The following SBDS variants were observed in gnomAD, a reference collection of about 807,000 sequenced individuals.
SBDS encodes the protein SBDS ribosome maturation factor, also known as ribosome maturation protein SBDS.
A neutral mutation model predicts 26.4 loss-of-function variants in SBDS; 20 were observed. The ratio of observed to expected loss-of-function variants is 0.76; its 90% CI spans 0.53 to 1.10. The LOEUF (loss-of-function observed/expected upper bound fraction) is 1.10, where lower values mean the gene tolerates loss of function less well. Ranked by LOEUF, SBDS falls within the 50% of genes least tolerant of loss-of-function variation. SBDS has a pLI of 0.00. For synonymous variants in SBDS, 95 were observed against 105.1 expected, an observed-to-expected ratio of 0.90 and a Z score of 0.59; for missense variants, 241 against 302.0, an observed-to-expected ratio of 0.80 and a Z score of 1.50.
chr7:66,995,240 G>T, intron 1 of SBDS, 50 bp downstream of exon 1: 6 of 1,612,088 alleles, frequency 3.7e-6, no homozygotes, highest in Non-Finnish European at 5.1e-6. Flanking sequence ...GGCCGCCTCG[G>T]AGGTGACGGC....
chr7:66,989,028 C>T (rs2129231304), intron 4 of SBDS, among the ~76,000 whole-genome samples: 1 of 152,088 alleles, frequency 6.6e-6, no homozygotes, highest in Non-Finnish European at 1.5e-5. Flanking sequence ...CACCACCACA[C>T]CTGGCTTATT....
intron 4 of SBDS, among the ~76,000 whole-genome samples, chr7:66,990,211 T>G (rs1461150589): frequency 6.6e-6 from 1 of 152,048 alleles, no homozygotes; most frequent in Non-Finnish European, 1.5e-5. Context: ...AGAGACAGGG[T>G]TTCTCCATGT....
At chr7:66,988,545 C>A (rs1368743397) in intron 4 of SBDS, 46 bp from the exon 5 acceptor site, 1 of 1,607,634 alleles carries the variant, frequency 6.2e-7, no homozygotes, top group Non-Finnish European at 8.5e-7. Flanking sequence ...ATGAGCAAGA[C>A]ACAGAATAAA....
rs1030333829 is a variant in SBDS at position 66,994,194 on chromosome 7, G to A, written c.258+18C>T. The A allele has an allele frequency of 1.2e-6, 2 of 1,612,840 alleles. No individual in the cohort carries two copies. The highest frequency in any genetic ancestry group is 3.3e-5 in the Admixed American group (2 of 59,962). ...ATAAATGGTTATTAGGGTTAGCTAT[G>A]CTGCAGCTGTTACCCACCTGCTTAC... On this transcript the variant is annotated intron_variant, in intron 2 of 4. Coordinates refer to ENST00000246868, the MANE Select transcript of SBDS (RefSeq NM_016038.4).
chr7:66,988,536 T>C (rs201327552), intron 4 of SBDS, 37 bp from the exon 5 acceptor site: 1 of 1,609,964 alleles, frequency 6.2e-7, no homozygotes, highest in East Asian at 2.2e-5. Flanking sequence ...CACATGAGGA[T>C]GAGCAAGACA....
Position 66,993,387 on chromosome 7 carries a change from C to A in SBDS, c.289G>T (p.Asp97Tyr). The change falls in exon 3 of 5, where the codon GAT becomes TAT. Residue 97 changes from aspartate (D) to tyrosine (Y), a missense_variant. Asp to Tyr is a radical substitution (Grantham distance 160). Coordinates refer to ENST00000246868, the MANE Select transcript of SBDS (RefSeq NM_016038.4). ...ILTKGEVQVS[D>Y]KERHTQLEQM... is the part of the protein sequence containing the mutation. ...TCCAGTTGTGTGTGTCTTTCTTTAT[C>A]TGATACTTGAACTTCTCCTTTAGTC... is the stretch of plus-strand genomic sequence containing the variant. 6.2e-7 allele frequency: 1 copy of A among 1,614,060 alleles called. No individual in the cohort carries two copies. Among genetic ancestry groups the A allele is most frequent in the Non-Finnish European group, 8.5e-7 (1 of 1,179,996 alleles).
chr7:66,995,226 G>C, intron 1 of SBDS, 64 bp downstream of exon 1: 2 of 1,609,724 alleles, frequency 1.2e-6, no homozygotes, highest in Non-Finnish European at 1.7e-6. Context: ...CTTGGGCAGA[G>C]ACAGGCCGCC....
In SBDS at chr7:66,992,496, A is replaced by C. The variant is rs183865590; in HGVS notation, c.459+721T>G. On this transcript the variant is annotated intron_variant, in intron 3 of 4. Coordinates refer to ENST00000246868, the MANE Select transcript of SBDS (RefSeq NM_016038.4). Reference sequence around the variant, plus strand: ...GAATTATATATAAATTAAAAAATTCAAAAAGAAGTGTTAAAATGACCCTTT... The same window carrying C: ...GAATTATATATAAATTAAAAAATTCCAAAAGAAGTGTTAAAATGACCCTTT... Among the ~76,000 whole-genome samples the C allele has an allele frequency of 8.5e-5, 13 of 152,266 alleles. No homozygotes were observed. In the East Asian group the frequency reaches 2.5e-3, roughly 29 times the overall value.
At chr7:66,991,817 A>G (rs995542003) in intron 3 of SBDS, among the ~76,000 whole-genome samples, 4 of 152,192 alleles carry the variant, frequency 2.6e-5, no homozygotes, top group Middle Eastern at 3.2e-3. Context: ...ACCAATAAGC[A>G]CATGGAAATA....
chr7:66,989,599 G>A (rs1486362493), intron 4 of SBDS, among the ~76,000 whole-genome samples: 1 of 152,092 alleles, frequency 6.6e-6, no homozygotes, highest in Non-Finnish European at 1.5e-5. Flanking sequence ...TTGAAAACAT[G>A]AATTTGTAGA....
intron 4 of SBDS, among the ~76,000 whole-genome samples, chr7:66,990,167 G>A (rs1265077326): frequency 2.6e-5 from 4 of 152,096 alleles, no homozygotes; most frequent in East Asian, 1.9e-4. Context: ...TTACAGGCAT[G>A]TGCCACCACG....
chr7:66,992,257 G>A (rs970722417), intron 3 of SBDS, among the ~76,000 whole-genome samples: 3 of 152,074 alleles, frequency 2.0e-5, no homozygotes, highest in Non-Finnish European at 4.4e-5. Context: ...CCATTTATAT[G>A]AAATGTCCAG....
intron 4 of SBDS, 108 bp downstream of exon 4, chr7:66,991,023 AAAAAAG>A: frequency 2.8e-6 from 3 of 1,075,916 alleles, no homozygotes; most frequent in Non-Finnish European, 2.6e-6. Context: ...TCTCAAAAAA[AAAAAAG>A]AAAAGAAAAT....
intron 3 of SBDS, among the ~76,000 whole-genome samples, chr7:66,992,617 A>G (rs984033581): frequency 1.3e-5 from 2 of 152,022 alleles, no homozygotes; most frequent in East Asian, 1.9e-4. Context: ...AAAATTACCT[A>G]TCTTTACAAC....
Position 66,988,515 on chromosome 7 carries a change from T to A in SBDS, c.625-16A>T. The stretch of plus-strand genomic sequence containing the variant: ...TCAGACATACCTGAAACATTTAACG[T>A]AGCAGATTACCACATGAGGATGAGC... On this transcript the variant is annotated splice_polypyrimidine_tract_variant and intron_variant, in intron 4 of 4. Coordinates refer to ENST00000246868, the MANE Select transcript of SBDS (RefSeq NM_016038.4). 1.9e-6 allele frequency: 3 copies of A among 1,612,634 alleles called. No individual in the cohort carries two copies. Among genetic ancestry groups the A allele is most frequent in the Non-Finnish European group, 2.5e-6 (3 of 1,179,880 alleles).
intron 4 of SBDS, among the ~76,000 whole-genome samples, chr7:66,988,838 C>A (rs1486022567): frequency 7.9e-5 from 12 of 152,168 alleles, no homozygotes; most frequent in Middle Eastern, 3.2e-3. Context: ...AGTAAAGTCA[C>A]CTCCACGTAT....
intron 1 of SBDS, among the ~76,000 whole-genome samples, chr7:66,994,839 T>C (rs1213206973): frequency 1.3e-5 from 2 of 150,002 alleles, no homozygotes; most frequent in Non-Finnish European, 3.0e-5. Flanking sequence ...AACACAAGGG[T>C]GGGGTGGGGT....
intron 3 of SBDS, among the ~76,000 whole-genome samples, chr7:66,992,645 T>A (rs1167841230): frequency 6.6e-6 from 1 of 151,998 alleles, no homozygotes; most frequent in Non-Finnish European, 1.5e-5. Flanking sequence ...TTTTCCTCCA[T>A]CTCTTCCCCA....
intron 1 of SBDS, 76 bp downstream of exon 1, chr7:66,995,214 G>A (rs1793075255): frequency 6.3e-7 from 1 of 1,597,530 alleles, no homozygotes; most frequent in Non-Finnish European, 8.6e-7. Context: ...CCATTCACTC[G>A]ACTTGGGCAG....
Sources: allele counts gnomAD v4.1 joint callset (sites outside exome capture counted in the v4.1 genomes callset), GRCh38; gene constraint gnomAD v4.1.1; transcripts MANE v1.5; gene names NCBI Gene and HGNC (gene_info 2026-07-23, HGNC 2026-07-21).